ERAP2: variants seen among roughly 807,000 people sequenced by gnomAD.
ERAP2 encodes the protein endoplasmic reticulum aminopeptidase 2, also known as leukocyte-derived arginine aminopeptidase.
Under a neutral mutation model 111.1 loss-of-function variants are expected in ERAP2, and 118 were observed. That is an observed-to-expected ratio of 1.06 (90% CI 0.92 to 1.24). The LOEUF is 1.24. Ranked by LOEUF, ERAP2 falls within the 50% of genes most tolerant of loss-of-function variation. The pLI is 0.00. For synonymous variants in ERAP2, 410 were observed against 401.2 expected (o/e 1.02, Z -0.26); for missense variants, 1,131 against 1,125.8 (o/e 1.00, Z -0.07).
intron 15 of ERAP2, among the ~76,000 whole-genome samples, chr5:96,911,200 C>T (rs1786695365): frequency 6.6e-6 from 1 of 152,140 alleles, no homozygotes; most frequent in Non-Finnish European, 1.5e-5. Flanking sequence ...AGGATAATAA[C>T]TATCTCAGAG....
intron 5 of ERAP2, 93 bp downstream of exon 5, chr5:96,889,398 G>C (rs574413550): frequency 7.2e-7 from 1 of 1,381,732 alleles, no homozygotes; most frequent in East Asian, 2.3e-5. Context: ...ATTTAAATGA[G>C]CACTGAGGAA....
rs1466624457 is a variant in ERAP2 at position 96,917,554 on chromosome 5, G to A, written c.2832G>A (p.Trp944Ter). 6 of 1,613,796 alleles carry A rather than the reference G, an allele frequency of 3.7e-6. No homozygotes were observed. The highest frequency in any genetic ancestry group is 1.3e-5 in the African/African-American group (1 of 74,874). Residue 944 changes from tryptophan to a stop codon, truncating the protein, a stop_gained, in exon 19 of 19, where the codon TGG becomes TGA. Transcript: ENST00000437043. LOFTEE classifies it high-confidence loss of function. ...VLETITKNIK[W>*]LEKNLPTLRT... ...AAACGATAACCAAAAATATAAAATG[G>A]CTGGAGAAGAATCTTCCGACTCTGA...
chr5:96,906,475 C>T (rs1786098397), intron 13 of ERAP2, among the ~76,000 whole-genome samples: 3 of 152,098 alleles, frequency 2.0e-5, no homozygotes, highest in African/African-American at 2.4e-5. Flanking sequence ...CCTATGTTGT[C>T]CAGGCTGGTC....
At chr5:96,879,362 GT>G (rs529759369) in intron 1 of ERAP2, among the ~76,000 whole-genome samples, 2 of 152,186 alleles carry the variant, frequency 1.3e-5, no homozygotes, top group East Asian at 3.8e-4. Context: ...TTAAGGTAGG[GT>G]TTTTTGGGGG....
intron 14 of ERAP2, 108 bp from the exon 15 acceptor site, chr5:96,909,472 A>G: frequency 1.2e-6 from 1 of 829,396 alleles, no homozygotes; most frequent in South Asian, 1.7e-5. Context: ...TGTTTGGGGA[A>G]AGATTGGGAA....
At chr5:96,893,269 T>C (rs184490676) in intron 6 of ERAP2, among the ~76,000 whole-genome samples, 11 of 152,330 alleles carry the variant, frequency 7.2e-5, no homozygotes, top group Admixed American at 6.5e-4. Flanking sequence ...GTCACCAAAA[T>C]TGTCTTTCAC....
chr5:96,904,842 A>G (rs373467830), intron 13 of ERAP2, among the ~76,000 whole-genome samples: 1 of 152,346 alleles, frequency 6.6e-6, no homozygotes, highest in Non-Finnish European at 1.5e-5. Flanking sequence ...TTATTGATGC[A>G]TTGGTGGAAA....
chr5:96,899,624 T>C (rs1348242133), intron 9 of ERAP2, among the ~76,000 whole-genome samples: 1 of 152,178 alleles, frequency 6.6e-6, no homozygotes, highest in Non-Finnish European at 1.5e-5. Flanking sequence ...GTTCGAAATA[T>C]TGTACACTCA....
At position 96,881,511 on chromosome 5, in the gene ERAP2, C is replaced by T. The variant is rs1484838715; in HGVS notation, c.575+1251C>T. On this transcript the variant is annotated intron_variant, in intron 2 of 18. Coordinates refer to ENST00000437043, the MANE Select transcript of ERAP2 (RefSeq NM_022350.5). ...AGGAGTCTGGCTCAGTGCACTCTCA[C>T]GTTATGTGAATTGTGTTCAATTGCC... 1.3e-5 allele frequency: 6 copies of T among 455,524 alleles called. 1 individual carries two copies. Among genetic ancestry groups the T allele is most frequent in the East Asian group, 6.9e-5 (1 of 14,400 alleles). The allele number at this position is 455,524 out of a possible 1,614,324, so 28.2% of individuals were successfully genotyped here.
chr5:96,887,201 T>C (rs984664479), intron 4 of ERAP2, among the ~76,000 whole-genome samples: 1 of 151,398 alleles, frequency 6.6e-6, no homozygotes. Context: ...CCATAAAAGT[T>C]GAATGTCATT....
intron 6 of ERAP2, among the ~76,000 whole-genome samples, chr5:96,893,078 A>T (rs12516666): frequency 0.55 from 83,448 of 151,962 alleles, 22,941 homozygotes; most frequent in Admixed American, 0.6. Flanking sequence ...AATGATGATG[A>T]CAACGGCCAC....
In ERAP2 at chr5:96,910,802, A is replaced by G. The variant is rs535229764; in HGVS notation, c.2354+1038A>G. 5.5e-4 allele frequency among the ~76,000 whole-genome samples: 84 copies of G among 152,366 alleles called. No individual in the cohort carries two copies. The South Asian group carries it at 0.017, about 32-fold the overall frequency. On this transcript the variant is annotated intron_variant, in intron 15 of 18. Transcript: ENST00000437043. ...AATGAAGAATTTCTTTACATAGATTAATTGATTACTTCATTCATTTGTGGA... is the reference window on the plus strand; with the variant it reads ...AATGAAGAATTTCTTTACATAGATTGATTGATTACTTCATTCATTTGTGGA...
rs1786486676 is a variant in ERAP2, at chr5:96,909,643, G to A, written c.2233G>A (p.Val745Ile). ...GCAAAGCTGGAGTGACAAGGGCTCA[G>A]TCTGGGACAGGATGCTCCGCTCGGC... is the stretch of plus-strand genomic sequence containing the variant. ...DRQSWSDKGSVWDRMLRSALL... is the reference protein window; with the variant it reads ...DRQSWSDKGSIWDRMLRSALL... The change falls in exon 15 of 19, where the codon GTC becomes ATC. Residue 745 changes from valine to isoleucine, a missense_variant. Val to Ile is a conservative substitution (Grantham distance 29). Around this residue, in one of 3 missense-constraint regions of ERAP2, gnomAD observed 279 missense variants for 250.9 expected, o/e 1.11. Coordinates refer to ENST00000437043, the MANE Select transcript of ERAP2 (RefSeq NM_022350.5). 3 of 1,614,066 alleles carry A rather than the reference G, an allele frequency of 1.9e-6. No homozygotes were observed. Among genetic ancestry groups the A allele is most frequent in the African/African-American group, 1.3e-5 (1 of 74,920 alleles).
chr5:96,908,682 T>C (rs545647948), intron 13 of ERAP2, among the ~76,000 whole-genome samples: 23 of 152,366 alleles, frequency 1.5e-4, no homozygotes, highest in Admixed American at 5.9e-4. Flanking sequence ...TTATTCTAAA[T>C]GCTTTTTAAA....
intron 5 of ERAP2, among the ~76,000 whole-genome samples, chr5:96,890,812 A>T (rs1012952941): frequency 3.9e-5 from 6 of 152,070 alleles, no homozygotes; most frequent in Non-Finnish European, 8.8e-5. Flanking sequence ...TAGTACAGAT[A>T]TACTAAATCC....
intron 15 of ERAP2, among the ~76,000 whole-genome samples, chr5:96,911,708 C>CA (rs1291137691): frequency 3.3e-5 from 5 of 151,368 alleles, no homozygotes; most frequent in East Asian, 3.9e-4. Context: ...CCCATCTCTA[C>CA]AAAAAAATTT....
In ERAP2 at chr5:96,896,634, C is replaced by T. The variant is rs1482463339; in HGVS notation, c.1372-98C>T. On this transcript the variant is annotated intron_variant, in intron 8 of 18. Transcript: ENST00000437043. Reference sequence around the variant, plus strand: ...ACTTTTTATTTGTTCACTTTTCAGACATCACACATGTTCCGTAAAATTTAA... The same window carrying T: ...ACTTTTTATTTGTTCACTTTTCAGATATCACACATGTTCCGTAAAATTTAA... The T allele has an allele frequency of 7.0e-6, 10 of 1,425,248 alleles. No individual in the cohort carries two copies. The Admixed American group carries it at 2.1e-4, about 30-fold the overall frequency. The allele number at this position is 1,425,248 out of a possible 1,614,324, so 88.3% of individuals were successfully genotyped here.
chr5:96,885,429 T>C (rs1178042519), intron 3 of ERAP2, among the ~76,000 whole-genome samples: 1 of 152,250 alleles, frequency 6.6e-6, no homozygotes, highest in Non-Finnish European at 1.5e-5. Context: ...GCCCTGTATA[T>C]ACTTTGACTT....
Position 96,896,730 on chromosome 5 carries a change from A to T in ERAP2, c.1372-2A>T. 1 of 1,565,924 alleles carries T rather than the reference A, an allele frequency of 6.4e-7. No individual in the cohort carries two copies. Among genetic ancestry groups the T allele is most frequent in the Non-Finnish European group, 8.6e-7 (1 of 1,164,882 alleles). On this transcript the variant is annotated splice_acceptor_variant, in intron 8 of 18. Coordinates refer to ENST00000437043, the MANE Select transcript of ERAP2 (RefSeq NM_022350.5). LOFTEE classifies it high-confidence loss of function. ...TTTCAACTCTTTTGTTTTTTTTTAA[A>T]GGGAGCTTGTATTTTGAATATGCTC...
Sources: allele counts gnomAD v4.1 joint callset (sites outside exome capture counted in the v4.1 genomes callset), GRCh38; gene constraint gnomAD v4.1.1; regional missense constraint gnomAD v4.1.1; transcripts MANE v1.5; gene names NCBI Gene and HGNC (gene_info 2026-07-23, HGNC 2026-07-21).